The following SNAP25 variants were observed in gnomAD, a reference collection of about 807,000 sequenced individuals.
SNAP25 encodes synaptosomal-associated protein 25.
Under a neutral mutation model 28.7 loss-of-function variants are expected in SNAP25, and 3 were observed. The ratio of observed to expected loss-of-function variants is 0.10; its 90% CI spans 0.05 to 0.27. The LOEUF (loss-of-function observed/expected upper bound fraction) is 0.27. Ranked by LOEUF, SNAP25 falls within the 10% of genes least tolerant of loss-of-function variation. The pLI, the probability that SNAP25 is intolerant of heterozygous loss-of-function variation, is 1.00. For synonymous variants in SNAP25, 61 were observed against 88.1 expected (o/e 0.69, Z 1.72); for missense variants, 117 against 278.7 (o/e 0.42, Z 4.13).
intron 4 of SNAP25, among the ~76,000 whole-genome samples, chr20:10,287,300 AC>A (rs1486347827): frequency 6.6e-6 from 1 of 152,104 alleles, no homozygotes. Context: ...ATGAACTCAA[AC>A]AAATTTACAA....
intron 1 of SNAP25, among the ~76,000 whole-genome samples, chr20:10,230,026 G>A (rs1249238215): frequency 6.6e-6 from 1 of 152,140 alleles, no homozygotes; most frequent in Non-Finnish European, 1.5e-5. Context: ...GCAGAAATGT[G>A]TGTAGTCAGA....
At chr20:10,229,303 G>A (rs2062785423) in intron 1 of SNAP25, among the ~76,000 whole-genome samples, 1 of 152,060 alleles carries the variant, frequency 6.6e-6, no homozygotes, top group South Asian at 2.1e-4. Context: ...TATTGTGTGT[G>A]CACATGTGTT....
At position 10,271,157 on chromosome 20, in the gene SNAP25, A is replaced by C. The variant is rs143501675; in HGVS notation, c.-63-4272A>C. On this transcript the variant is annotated intron_variant, in intron 1 of 7. Coordinates refer to ENST00000254976, the MANE Select transcript of SNAP25 (RefSeq NM_130811.4). ...GATGGCAGTTTATTGTGCTAATATG[A>C]GGGATGTATTGCAGGCTGCCTTGAT... 2.6e-5 allele frequency among the ~76,000 whole-genome samples: 4 copies of C among 152,298 alleles called. No homozygotes were observed. The East Asian group carries it at 7.7e-4, about 29-fold the overall frequency.
At chr20:10,271,013 C>G (rs1217540645) in intron 1 of SNAP25, among the ~76,000 whole-genome samples, 1 of 152,174 alleles carries the variant, frequency 6.6e-6, no homozygotes, top group Non-Finnish European at 1.5e-5. Flanking sequence ...CTGTTAGGCT[C>G]TTAATAGACT....
chr20:10,276,821 A>G (rs532942979), intron 2 of SNAP25, among the ~76,000 whole-genome samples: 1 of 152,328 alleles, frequency 6.6e-6, no homozygotes, highest in South Asian at 2.1e-4. Flanking sequence ...AATAAACTTG[A>G]ATACATGTAT....
intron 1 of SNAP25, among the ~76,000 whole-genome samples, chr20:10,239,679 G>A (rs534887728): frequency 6.6e-6 from 1 of 152,288 alleles, no homozygotes; most frequent in African/African-American, 2.4e-5. Flanking sequence ...TGGGGAAACT[G>A]AGGTTCTAAG....
intron 1 of SNAP25, among the ~76,000 whole-genome samples, chr20:10,223,602 A>G (rs1331848529): frequency 1.3e-5 from 2 of 152,116 alleles, no homozygotes; most frequent in East Asian, 1.9e-4. Context: ...ACAAGCATCA[A>G]GTAAGGTGAA....
intron 1 of SNAP25, among the ~76,000 whole-genome samples, chr20:10,256,731 G>A (rs2063324755): frequency 6.6e-6 from 1 of 152,152 alleles, no homozygotes; most frequent in African/African-American, 2.4e-5. Context: ...ATGGCAAAAA[G>A]AAAGGGAATG....
chr20:10,239,475 A>G (rs2062985741), intron 1 of SNAP25, among the ~76,000 whole-genome samples: 1 of 152,252 alleles, frequency 6.6e-6, no homozygotes, highest in Non-Finnish European at 1.5e-5. Context: ...CCAAGCCTGT[A>G]GATCTTTTTA....
chr20:10,235,597 C>T (rs1187649032), intron 1 of SNAP25, among the ~76,000 whole-genome samples: 1 of 152,184 alleles, frequency 6.6e-6, no homozygotes, highest in East Asian at 1.9e-4. Context: ...GGCCCTGAAG[C>T]AGTTATTTTT....
At chr20:10,234,098 C>T (rs1807144302) in intron 1 of SNAP25, among the ~76,000 whole-genome samples, 3 of 152,156 alleles carry the variant, frequency 2.0e-5, no homozygotes, top group Admixed American at 2.0e-4. Context: ...TTTCAGGTCA[C>T]TTACCAAGCA....
chr20:10,238,291 T>A (rs1826927423), intron 1 of SNAP25, among the ~76,000 whole-genome samples: 1 of 152,136 alleles, frequency 6.6e-6, no homozygotes, highest in Admixed American at 6.5e-5. Flanking sequence ...TACTGGTGGG[T>A]CCCAAGCAAA....
chr20:10,258,739 C>T (rs2063362419), intron 1 of SNAP25, among the ~76,000 whole-genome samples: 1 of 152,172 alleles, frequency 6.6e-6, no homozygotes, highest in Admixed American at 6.5e-5. Flanking sequence ...TGGGTAAATC[C>T]AATTTTACCA....
In SNAP25 at chr20:10,295,992, C is replaced by G. The variant is rs569602759; in HGVS notation, c.282-933C>G. On this transcript the variant is annotated intron_variant, in intron 5 of 7. Coordinates refer to ENST00000254976, the MANE Select transcript of SNAP25 (RefSeq NM_130811.4). ...TGTAAGCACTCTCTGCCCTGCCCCT[C>G]AGCCCAACAAAGAAGCTACTGAACC... Among the ~76,000 whole-genome samples, 11 of 152,306 alleles carry G rather than the reference C, an allele frequency of 7.2e-5. No individual in the cohort carries two copies. The East Asian group carries it at 2.1e-3, about 29-fold the overall frequency.
At chr20:10,264,953 G>A (rs533728405) in intron 1 of SNAP25, among the ~76,000 whole-genome samples, 50 of 137,912 alleles carry the variant, frequency 3.6e-4, no homozygotes, top group African/African-American at 1.7e-4. Flanking sequence ...ATGGAGTCTC[G>A]CTCTGTTGCC....
intron 1 of SNAP25, among the ~76,000 whole-genome samples, chr20:10,273,337 T>A (rs1462030131): frequency 6.6e-6 from 1 of 152,238 alleles, no homozygotes; most frequent in Non-Finnish European, 1.5e-5. Flanking sequence ...TCATATGCAA[T>A]GTTTCTGTTT....
intron 1 of SNAP25, among the ~76,000 whole-genome samples, chr20:10,263,387 A>G (rs1236262345): frequency 1.3e-5 from 2 of 152,126 alleles, no homozygotes; most frequent in African/African-American, 4.8e-5. Context: ...AAGAACCCCT[A>G]AGGGAGCTGA....
chr20:10,232,709 A>C (rs1397477182), intron 1 of SNAP25, among the ~76,000 whole-genome samples: 1 of 152,234 alleles, frequency 6.6e-6, no homozygotes, highest in Admixed American at 6.5e-5. Context: ...CTGTTCTCAT[A>C]GAGCTTACCT....
chr20:10,269,813 C>T (rs2122959019), intron 1 of SNAP25, among the ~76,000 whole-genome samples: 1 of 152,292 alleles, frequency 6.6e-6, no homozygotes, highest in Middle Eastern at 3.4e-3. Flanking sequence ...AAAATTTTTT[C>T]TCTGAGTCTT....
Sources: allele counts gnomAD v4.1 joint callset (sites outside exome capture counted in the v4.1 genomes callset), GRCh38; gene constraint gnomAD v4.1.1; transcripts MANE v1.5; gene names NCBI Gene and HGNC (gene_info 2026-07-23, HGNC 2026-07-21).